Variants in CSPP1 observed in about 807,000 individuals in gnomAD.
The protein encoded by CSPP1 is centrosome and spindle pole associated protein 1.
CSPP1 carries 126 observed loss-of-function variants against 164.4 expected under a neutral mutation model. That is an observed-to-expected ratio of 0.77 (90% CI 0.66 to 0.89). The LOEUF (loss-of-function observed/expected upper bound fraction) is 0.89. Ranked by LOEUF, CSPP1 falls within the 40% of genes least tolerant of loss-of-function variation. CSPP1 has a pLI of 0.00. For synonymous variants in CSPP1, 472 were observed against 476.7 expected (o/e 0.99, Z 0.13); for missense variants, 1,395 against 1,449.8 (o/e 0.96, Z 0.61).
chr8:67,102,984 T>A, intron 7 of CSPP1, 53 bp from the exon 8 acceptor site: 2 of 1,027,260 alleles, frequency 1.9e-6, no homozygotes, highest in Non-Finnish European at 1.5e-6. Flanking sequence ...CAAACTGTTA[T>A]AAGAAGGTCC....
intron 1 of CSPP1, among the ~76,000 whole-genome samples, chr8:67,069,739 A>G (rs1266654520): frequency 6.6e-6 from 1 of 150,922 alleles, no homozygotes; most frequent in East Asian, 2.0e-4. Flanking sequence ...GCTCACTGCA[A>G]CTTCCACCTG....
In CSPP1 at chr8:67,112,031, G is replaced by T. The variant is rs886044058; in HGVS notation, c.1153G>T (p.Glu385Ter). 6.2e-7 allele frequency: 1 copy of T among 1,611,992 alleles called. No homozygotes were observed. The highest frequency in any genetic ancestry group is 8.5e-7 in the Non-Finnish European group (1 of 1,178,884). Residue 385 changes from glutamate (E) to a stop codon, truncating the protein, a stop_gained, in exon 10 of 31, where the codon GAA (glutamate) becomes TAA (stop). Transcript: ENST00000678616. LOFTEE classifies it high-confidence loss of function. ...AGAGAAATACAGACTAGAACTGTTG[G>T]AACAAATGGCTGAGCAACAGAGGAA... ...RKEKYRLELL[E>*]QMAEQQRNKR...
At chr8:67,119,101 A>C (rs921021628) in intron 15 of CSPP1, among the ~76,000 whole-genome samples, 1 of 152,108 alleles carries the variant, frequency 6.6e-6, no homozygotes, top group Non-Finnish European at 1.5e-5. Context: ...TACTCCATGT[A>C]CCTCATATGA....
chr8:67,115,595 C>T (rs910403809), intron 12 of CSPP1, among the ~76,000 whole-genome samples: 2 of 152,040 alleles, frequency 1.3e-5, no homozygotes, highest in African/African-American at 4.8e-5. Flanking sequence ...TGCTTGAATT[C>T]GGGAAGTGGA....
chr8:67,137,403 TTGTATCAGAATAC>T, intron 16 of CSPP1, 40 bp from the exon 17 acceptor site: 1 of 1,274,874 alleles, frequency 7.8e-7, no homozygotes, highest in Non-Finnish European at 1.0e-6. Flanking sequence ...TACTAACTTC[TTGTATCAGAATAC>T]TTGTCAGCGT....
intron 21 of CSPP1, among the ~76,000 whole-genome samples, chr8:67,159,957 C>CTTTTCT (rs71249422): frequency 0.058 from 1,167 of 19,976 alleles, 247 homozygotes; most frequent in South Asian, 0.094. Context: ...TTCCTTCCTT[C>CTTTTCT]TTTCTTTTCT....
At chr8:67,117,662 G>A (rs748917213) in intron 13 of CSPP1, among the ~76,000 whole-genome samples, 9 of 152,158 alleles carry the variant, frequency 5.9e-5, no homozygotes, top group Non-Finnish European at 1.0e-4. Flanking sequence ...TGAACCATTT[G>A]TACTCACACT....
rs1314896082 is a variant in CSPP1 at position 67,095,629 on chromosome 8, C to CA, written c.821dup (p.His274GlnfsTer2). 1 of 1,613,178 alleles carries CA rather than the reference C, an allele frequency of 6.2e-7. No homozygotes were observed. The highest frequency in any genetic ancestry group is 8.5e-7 in the Non-Finnish European group (1 of 1,179,502). ...GGATCGTGTTTTTGATAGACGGTAT[C>CA]ATAGACCAGACCAAGATCCTGAAGT... On this transcript the variant is annotated frameshift_variant, in exon 7 of 31. Transcript: ENST00000678616. LOFTEE classifies it high-confidence loss of function.
rs772183884 is a variant in CSPP1 at position 67,132,046 on chromosome 8, C to CA, written c.1794dup (p.Leu599ThrfsTer24). The CA allele has an allele frequency of 6.2e-7, 1 of 1,613,540 alleles. No individual in the cohort carries two copies. Among genetic ancestry groups the CA allele is most frequent in the African/African-American group, 1.3e-5 (1 of 75,002 alleles). The stretch of plus-strand genomic sequence containing the variant: ...GATAAACCGAAACCTTCCAAACAGT[C>CA]ACTTCAGTCTTACCAAGAGGCTTTG... On this transcript the variant is annotated frameshift_variant, in exon 16 of 31. Transcript: ENST00000678616. LOFTEE classifies it high-confidence loss of function.
intron 3 of CSPP1, among the ~76,000 whole-genome samples, chr8:67,085,261 A>G (rs533052571): frequency 2.0e-3 from 302 of 152,166 alleles, no homozygotes; most frequent in Non-Finnish European, 3.5e-3. Context: ...TATTATATAC[A>G]TTTTACCACA....
chr8:67,161,675 G>A, intron 21 of CSPP1, 136 bp from the exon 22 acceptor site: 1 of 518,788 alleles, frequency 1.9e-6, no homozygotes, highest in Non-Finnish European at 3.4e-6. Flanking sequence ...TTTGTAGAAA[G>A]CATTTTATTA....
chr8:67,117,492 A>G (rs931948945), intron 13 of CSPP1, among the ~76,000 whole-genome samples: 2 of 152,230 alleles, frequency 1.3e-5, no homozygotes, highest in African/African-American at 4.8e-5. Context: ...ATTGGTAGCA[A>G]TACAGAGATA....
intron 6 of CSPP1, among the ~76,000 whole-genome samples, chr8:67,094,676 G>A (rs1812360073): frequency 1.3e-5 from 2 of 151,936 alleles, no homozygotes; most frequent in Non-Finnish European, 1.5e-5. Context: ...CAATCCACTG[G>A]CCTCCACCTA....
At position 67,196,052 on chromosome 8, in the gene CSPP1, AATTAATT is replaced by A. The variant is rs976460086; in HGVS notation, c.*464_*470del. Reference sequence around the variant, plus strand: ...GTGTGATGCAATCAAATGTCCTATTAATTAATTATTATTTCATGTCATTTGTAGCTAC... The same window carrying A: ...GTGTGATGCAATCAAATGTCCTATTAATTATTTCATGTCATTTGTAGCTAC... On this transcript the variant is annotated 3_prime_UTR_variant, in exon 31 of 31. Transcript: ENST00000678616. 1 of 127,596 alleles carries A rather than the reference AATTAATT, an allele frequency of 7.8e-6. No homozygotes were observed. Among genetic ancestry groups the A allele is most frequent in the Admixed American group, 7.4e-5 (1 of 13,602 alleles). 7.9% of individuals were successfully genotyped at this position (127,596 alleles called of 1,614,324 possible). A position where few individuals can be genotyped will look rare whatever the true frequency, so the allele number is the denominator to read the frequency against.
intron 12 of CSPP1, among the ~76,000 whole-genome samples, 153 bp from the exon 13 acceptor site, chr8:67,115,761 T>C (rs1233328521): frequency 6.6e-6 from 1 of 152,080 alleles, no homozygotes; most frequent in Non-Finnish European, 1.5e-5. Flanking sequence ...AATAAATAAA[T>C]AAAAATAGAT....
At chr8:67,105,023 A>ATT (rs1292683720) in intron 8 of CSPP1, among the ~76,000 whole-genome samples, 119 of 23,288 alleles carry the variant, frequency 5.1e-3, no homozygotes, top group South Asian at 0.021. Flanking sequence ...ATGAAAAAGG[A>ATT]TTTTTTTTTT....
intron 7 of CSPP1, 87 bp downstream of exon 7, chr8:67,095,819 T>C (rs1218593681): frequency 1.3e-6 from 1 of 777,784 alleles, no homozygotes; most frequent in Non-Finnish European, 2.1e-6. Context: ...ATCATTATAC[T>C]AGGGAGAAGC....
intron 19 of CSPP1, among the ~76,000 whole-genome samples, chr8:67,156,120 A>C (rs1027339554): frequency 4.6e-5 from 7 of 152,186 alleles, no homozygotes; most frequent in Admixed American, 3.3e-4. Flanking sequence ...GCCAAAAAAC[A>C]ATCTTACAAT....
chr8:67,193,373 A>G, intron 29 of CSPP1, 91 bp from the exon 30 acceptor site: 2 of 1,153,934 alleles, frequency 1.7e-6, no homozygotes, highest in Non-Finnish European at 2.5e-6. Context: ...CTGGGATCAC[A>G]GGTGATAGGC....
Sources: gnomAD v4.1 joint callset for allele counts (sites outside exome capture counted in the v4.1 genomes callset) on GRCh38, gnomAD v4.1.1 for gene constraint, MANE v1.5 for transcripts, NCBI Gene and HGNC (gene_info 2026-07-23, HGNC 2026-07-21) for gene names.